The following CLCN5 variants were observed in gnomAD, a reference collection of about 807,000 sequenced individuals.
CLCN5 encodes the protein Cl-/H+ antiporter 5, also known as H(+)/Cl(-) exchange transporter 5.
A neutral mutation model predicts 54.0 loss-of-function variants in CLCN5; 17 were observed. The ratio of observed to expected loss-of-function variants is 0.31; its 90% CI spans 0.22 to 0.47. The LOEUF (loss-of-function observed/expected upper bound fraction) is 0.47, where lower values mean the gene tolerates loss of function less well. CLCN5 is among the 20% of genes least tolerant of loss of function. CLCN5 has a pLI of 1.00. For missense variants in CLCN5, 448 were observed against 646.7 expected (o/e 0.69, Z 3.33); for synonymous variants, 222 against 233.0 (o/e 0.95, Z 0.43).
At chrX:50,090,549 T>C in intron 13 of CLCN5, 35 bp downstream of exon 13, 2 of 1,184,551 alleles carry the variant, frequency 1.7e-6, no homozygotes, top group Non-Finnish European at 1.1e-6. Context: ...TGGAATCCAC[T>C]GTGGAACTCA....
chrX:50,009,466 T>C (rs782244570), intron 3 of CLCN5, among the ~76,000 whole-genome samples: 1 of 111,638 alleles, frequency 9.0e-6, no homozygotes, highest in Non-Finnish European at 1.9e-5. Flanking sequence ...AGGCCCCAAA[T>C]ACATCCAGCA....
At chrX:50,052,011 C>A (rs1932603175) in intron 4 of CLCN5, among the ~76,000 whole-genome samples, 1 of 111,458 alleles carries the variant, frequency 9.0e-6, no homozygotes, top group African/African-American at 3.3e-5. Context: ...TCTTTCCAAC[C>A]TGTATACTTT....
In CLCN5 at chrX:50,096,974, TTAGA is replaced by T. The variant is rs1934282364; in HGVS notation, c.*4761_*4764del. ...GTTGCCATTTCCTAAACTATAAGGT[TTAGA>T]TAGATTGTCTTGAATTTTGATAGCA... On this transcript the variant is annotated 3_prime_UTR_variant, in exon 15 of 15. Coordinates refer to ENST00000376091, the MANE Select transcript of CLCN5 (RefSeq NM_001127898.4). The T allele has an allele frequency of 8.9e-6, 1 of 112,029 alleles. No individual in the cohort carries two copies. Among genetic ancestry groups the T allele is most frequent in the Admixed American group, 9.5e-5 (1 of 10,538 alleles). The allele number at this position is 112,029 out of a possible 1,213,427, so 9.2% of individuals were successfully genotyped here. A position where few individuals can be genotyped will look rare whatever the true frequency, so the allele number is the denominator to read the frequency against.
At chrX:50,008,592 G>A (rs782782861) in intron 3 of CLCN5, 3 of 308,145 alleles carry the variant, frequency 9.7e-6, no homozygotes, top group Admixed American at 2.9e-5. Flanking sequence ...CACCTTTTCT[G>A]TATATGATAC....
At chrX:49,937,082 A>G (rs1926036015) in intron 3 of CLCN5, among the ~76,000 whole-genome samples, 2 of 111,464 alleles carry the variant, frequency 1.8e-5, no homozygotes, top group Admixed American at 9.6e-5. Flanking sequence ...TAAGACAGTA[A>G]AGTAGATGTA....
intron 5 of CLCN5, among the ~76,000 whole-genome samples, 178 bp from the exon 6 acceptor site, chrX:50,072,311 G>A (rs1557191590): frequency 2.7e-5 from 3 of 111,487 alleles, no homozygotes; most frequent in Non-Finnish European, 3.8e-5. Flanking sequence ...ATGAAGGTGG[G>A]GTTTCGGTAA....
In CLCN5 at chrX:50,090,314, A is replaced by G. The variant is rs782613561; in HGVS notation, c.1943A>G (p.His648Arg). The G allele has an allele frequency of 1.7e-6, 2 of 1,211,664 alleles. No homozygotes were observed. The highest frequency in any genetic ancestry group is 2.2e-6 in the Non-Finnish European group (2 of 895,319). ...CTTGAAGCCAAAGAAGAGTTTGCTC[A>G]TAAGACCCTGGCAATGGATGTGATG... Reference protein sequence around the residue: ...PFLEAKEEFAHKTLAMDVMKP... With the variant: ...PFLEAKEEFARKTLAMDVMKP... The change falls in exon 13 of 15, where the codon CAT (histidine) becomes CGT (arginine). Residue 648 changes from histidine (H) to arginine (R), a missense_variant. This residue lies in a region of CLCN5 where 297 missense variants were observed against 470.4 expected (regional missense o/e 0.63). Transcript: ENST00000376091.
intron 7 of CLCN5, among the ~76,000 whole-genome samples, chrX:50,077,177 A>G (rs1569540131): frequency 8.9e-6 from 1 of 111,765 alleles, no homozygotes; most frequent in East Asian, 2.8e-4. Context: ...GAAAAAGAAT[A>G]AAGATAGAAA....
In CLCN5 at chrX:50,080,597, G is replaced by T; in HGVS notation, c.607G>T (p.Ala203Ser). 2 of 1,208,620 alleles carry T rather than the reference G, an allele frequency of 1.7e-6. No individual in the cohort carries two copies. The highest frequency in any genetic ancestry group is 1.8e-5 in the South Asian group (1 of 56,702). The change falls in exon 8 of 15, where the codon GCC (alanine) becomes TCC (serine). Residue 203 changes from alanine (A) to serine (S), a missense_variant. This residue lies in a region of CLCN5 where 40 missense variants were observed against 27.8 expected (regional missense o/e 1.44). Coordinates refer to ENST00000376091, the MANE Select transcript of CLCN5 (RefSeq NM_001127898.4). The part of the protein sequence containing the change: ...SQLIISTDEG[A>S]FAYIVNYFMY... ...CTTCTTTTTCCCCCTGTTCCAGGGA[G>T]CCTTTGCCTACATAGTCAATTATTT...
At chrX:50,074,444 T>G in intron 6 of CLCN5, among the ~76,000 whole-genome samples, 1 of 111,547 alleles carries the variant, frequency 9.0e-6, no homozygotes. Flanking sequence ...AAATAAGACA[T>G]GTACACGTGA....
At chrX:50,048,072 A>T (rs1287878328) in intron 4 of CLCN5, among the ~76,000 whole-genome samples, 8 of 112,347 alleles carry the variant, frequency 7.1e-5, no homozygotes, top group African/African-American at 2.6e-4. Context: ...CATGGAAGAC[A>T]ATTTCATCTT....
intron 3 of CLCN5, among the ~76,000 whole-genome samples, chrX:49,991,878 G>A (rs781970980): frequency 2.9e-4 from 32 of 111,429 alleles, no homozygotes; most frequent in Admixed American, 2.0e-3. Context: ...AACATATGGC[G>A]TTAGTGGGTG....
At chrX:49,982,680 G>A (rs1167469205) in intron 3 of CLCN5, among the ~76,000 whole-genome samples, 1 of 111,767 alleles carries the variant, frequency 8.9e-6, no homozygotes, top group African/African-American at 3.2e-5. Context: ...GCTTGTGTGC[G>A]TGTATGGAAA....
intron 4 of CLCN5, among the ~76,000 whole-genome samples, chrX:50,059,906 C>A (rs1932823294): frequency 9.4e-6 from 1 of 106,715 alleles, no homozygotes; most frequent in East Asian, 2.9e-4. Flanking sequence ...AAGATAGTAT[C>A]TTTGCTAAAT....
At chrX:50,028,860 ATTTC>A (rs1182185603) in intron 3 of CLCN5, among the ~76,000 whole-genome samples, 1 of 111,879 alleles carries the variant, frequency 8.9e-6, no homozygotes, top group Non-Finnish European at 1.9e-5. Flanking sequence ...GCAAGAAGTT[ATTTC>A]TTTATTTTAG....
At chrX:49,932,029 C>T (rs976274627) in intron 3 of CLCN5, among the ~76,000 whole-genome samples, 7 of 111,662 alleles carry the variant, frequency 6.3e-5, no homozygotes, top group African/African-American at 2.3e-4. Context: ...AGTCCTCCCA[C>T]CTCAGCCTCC....
intron 7 of CLCN5, among the ~76,000 whole-genome samples, chrX:50,077,260 A>G (rs781830341): frequency 8.1e-5 from 9 of 111,056 alleles, no homozygotes; most frequent in Non-Finnish European, 1.7e-4. Context: ...GGATAGATAC[A>G]TGCCGTATGT....
At chrX:50,069,813 A>G in intron 4 of CLCN5, 66 bp from the exon 5 acceptor site, 1 of 1,120,290 alleles carries the variant, frequency 8.9e-7, no homozygotes, top group Non-Finnish European at 1.2e-6. Context: ...TTTTGGAACC[A>G]AAAAGAATGT....
chrX:50,081,366 C>T (rs1933691873), intron 8 of CLCN5, among the ~76,000 whole-genome samples: 1 of 111,012 alleles, frequency 9.0e-6, no homozygotes, highest in South Asian at 3.9e-4. Flanking sequence ...CCCTCTCCAG[C>T]TCCTCCTTCA....
Sources: gnomAD v4.1 joint callset for allele counts (sites outside exome capture counted in the v4.1 genomes callset) on GRCh38, gnomAD v4.1.1 for gene constraint, gnomAD v4.1.1 regional missense constraint, MANE v1.5 for transcripts, NCBI Gene and HGNC (gene_info 2026-07-23, HGNC 2026-07-21) for gene names.